PCDH11X: variants seen among roughly 807,000 people sequenced by gnomAD.
The protein encoded by PCDH11X is protocadherin 11 X-linked.
In PCDH11X, 18 loss-of-function variants were observed where a neutral mutation model predicts 53.3. The observed-to-expected ratio is 0.34, with a 90% confidence interval of 0.23 to 0.50. The LOEUF is 0.50. PCDH11X is among the 20% of genes least tolerant of loss of function. The probability of loss-of-function intolerance (pLI) is 0.98; values close to 1 mark genes in which losing one functional copy is unlikely to be tolerated. For missense variants in PCDH11X, 570 were observed against 1,032.4 expected (o/e 0.55, Z 6.14); for synonymous variants, 279 against 393.3 (o/e 0.71, Z 3.44).
intron 10 of PCDH11X, among the ~76,000 whole-genome samples, chrX:92,517,238 A>G (rs1442250855): frequency 3.6e-5 from 4 of 111,548 alleles, no homozygotes; most frequent in Non-Finnish European, 5.7e-5. Context: ...AAAAAACCCA[A>G]AATACAAAAA....
intron 7 of PCDH11X, among the ~76,000 whole-genome samples, chrX:92,236,092 C>T (rs1360608226): frequency 9.0e-6 from 1 of 111,003 alleles, no homozygotes; most frequent in Non-Finnish European, 1.9e-5. Context: ...CAACATTTTA[C>T]CAAAGAAATC....
chrX:91,882,437 A>G (rs985680552), intron 6 of PCDH11X, among the ~76,000 whole-genome samples: 3 of 110,874 alleles, frequency 2.7e-5, no homozygotes, highest in African/African-American at 9.9e-5. Context: ...GCTTAATACA[A>G]TTCACCCATT....
intron 5 of PCDH11X, among the ~76,000 whole-genome samples, chrX:91,853,253 A>T (rs1237067238): frequency 9.0e-6 from 1 of 111,446 alleles, no homozygotes. Flanking sequence ...TTCAGGTCAG[A>T]TTTACATTTC....
intron 10 of PCDH11X, among the ~76,000 whole-genome samples, chrX:92,582,814 T>C (rs746898394): frequency 9.1e-6 from 1 of 109,625 alleles, no homozygotes; most frequent in South Asian, 3.9e-4. Flanking sequence ...GGGGTGGAGC[T>C]GACCAAGATT....
chrX:92,004,779 T>C (rs1445784020), intron 6 of PCDH11X, among the ~76,000 whole-genome samples: 2 of 85,043 alleles, frequency 2.4e-5, no homozygotes, highest in Admixed American at 1.3e-4. Context: ...TTTTTTTTTT[T>C]TTTTTTTTTT....
rs766334030 is a variant in PCDH11X, at chrX:91,910,858, TG to T, written c.3033+31587del. ...TATAATTGGTTCCATTAATAATACA[TG>T]GCAGATAAGCTAGCTTTTTTATATT... On this transcript the variant is annotated intron_variant, in intron 6 of 10. Coordinates refer to ENST00000682573, the MANE Select transcript of PCDH11X (RefSeq NM_032968.5). Among the ~76,000 whole-genome samples the T allele has an allele frequency of 2.7e-5, 3 of 111,250 alleles. No individual in the cohort carries two copies. In the East Asian group the frequency reaches 8.5e-4, roughly 31 times the overall value.
chrX:92,119,031 G>A (rs1269040801), intron 6 of PCDH11X, among the ~76,000 whole-genome samples: 1 of 109,398 alleles, frequency 9.1e-6, no homozygotes, highest in East Asian at 2.9e-4. Flanking sequence ...GTGAGCCACT[G>A]CGCCCGGCCA....
intron 10 of PCDH11X, among the ~76,000 whole-genome samples, chrX:92,551,807 C>T (rs764770815): frequency 2.7e-3 from 303 of 110,630 alleles, no homozygotes; most frequent in African/African-American, 9.2e-3. Flanking sequence ...AATAAACTGT[C>T]TTTTCCCAAG....
chrX:92,041,892 C>G (rs1285605484), intron 6 of PCDH11X, among the ~76,000 whole-genome samples: 1 of 111,752 alleles, frequency 8.9e-6, no homozygotes, highest in African/African-American at 3.3e-5. Flanking sequence ...TCGCTTGAAC[C>G]CAGGAGGTGG....
At chrX:91,937,743 A>C (rs924495601) in intron 6 of PCDH11X, among the ~76,000 whole-genome samples, 4 of 110,845 alleles carry the variant, frequency 3.6e-5, no homozygotes, top group African/African-American at 6.5e-5. Flanking sequence ...TCCTTTATTC[A>C]TTGTATAATT....
intron 6 of PCDH11X, among the ~76,000 whole-genome samples, chrX:92,101,569 T>G (rs1481622572): frequency 9.0e-6 from 1 of 111,411 alleles, no homozygotes; most frequent in Non-Finnish European, 1.9e-5. Flanking sequence ...AATAAAGGCT[T>G]ATCTGTTATC....
chrX:92,185,047 G>A (rs748457572), intron 6 of PCDH11X, among the ~76,000 whole-genome samples: 6 of 110,342 alleles, frequency 5.4e-5, no homozygotes, highest in East Asian at 2.8e-4. Flanking sequence ...TCGTCATATC[G>A]GCAGCGTCCC....
chrX:92,125,612 G>A (rs1259467054), intron 6 of PCDH11X, among the ~76,000 whole-genome samples: 1 of 111,187 alleles, frequency 9.0e-6, no homozygotes, highest in Non-Finnish European at 1.9e-5. Context: ...ATATTTATAG[G>A]ACATTTGCTA....
intron 6 of PCDH11X, among the ~76,000 whole-genome samples, chrX:92,012,292 A>G (rs1461839894): frequency 6.4e-5 from 7 of 108,731 alleles, no homozygotes; most frequent in Middle Eastern, 4.7e-3. Flanking sequence ...TTACCCTAGA[A>G]GACCTCTTAC....
In PCDH11X at chrX:92,316,453, A is replaced by T. The variant is rs750614112; in HGVS notation, c.3144+53310A>T. 8.4e-3 allele frequency among the ~76,000 whole-genome samples: 926 copies of T among 110,616 alleles called. 10 individuals carry two copies. Among genetic ancestry groups the T allele is most frequent in the African/African-American group, 0.029 (879 of 30,488 alleles). On this transcript the variant is annotated intron_variant, in intron 8 of 10. Coordinates refer to ENST00000682573, the MANE Select transcript of PCDH11X (RefSeq NM_032968.5). Reference sequence around the variant, plus strand: ...TAGCATCTTCTTTATATCCAAGATGATATAAAATATGATGTATTATTTATC... The same window carrying T: ...TAGCATCTTCTTTATATCCAAGATGTTATAAAATATGATGTATTATTTATC...
At chrX:92,238,529 C>A (rs931244398) in intron 7 of PCDH11X, among the ~76,000 whole-genome samples, 1 of 110,585 alleles carries the variant, frequency 9.0e-6, no homozygotes, top group Non-Finnish European at 1.9e-5. Flanking sequence ...GGGGTTGTTA[C>A]AAAGGTTAAA....
At chrX:91,790,298 A>G (rs1358813407) in intron 1 of PCDH11X, among the ~76,000 whole-genome samples, 1 of 112,186 alleles carries the variant, frequency 8.9e-6, no homozygotes, top group Non-Finnish European at 1.9e-5. Context: ...ACATACGATT[A>G]TACCATTTCA....
At position 91,863,879 on chromosome X, in the gene PCDH11X, A is replaced by T. The variant is rs182344777; in HGVS notation, c.541-12902A>T. The stretch of plus-strand genomic sequence containing the variant: ...TGCATAAACTGACAATCAAAAAGAA[A>T]ACTAATAAAAATTCTACACCTTAAC... On this transcript the variant is annotated intron_variant, in intron 5 of 10. Coordinates refer to ENST00000682573, the MANE Select transcript of PCDH11X (RefSeq NM_032968.5). Among the ~76,000 whole-genome samples the T allele has an allele frequency of 3.6e-3, 400 of 111,970 alleles. 4 individuals are homozygous for T. Among genetic ancestry groups the T allele is most frequent in the African/African-American group, 0.013 (390 of 30,898 alleles).
chrX:91,975,051 C>T (rs2062028008), intron 6 of PCDH11X, among the ~76,000 whole-genome samples: 1 of 111,031 alleles, frequency 9.0e-6, no homozygotes, highest in Non-Finnish European at 1.9e-5. Context: ...CACGCCTGGC[C>T]TTTTACTTGA....
Sources: gnomAD v4.1 joint callset for allele counts (sites outside exome capture counted in the v4.1 genomes callset) on GRCh38, gnomAD v4.1.1 for gene constraint, MANE v1.5 for transcripts, NCBI Gene and HGNC (gene_info 2026-07-23, HGNC 2026-07-21) for gene names.